AGBL1: variants seen among roughly 807,000 people sequenced by gnomAD.
AGBL1 encodes cytosolic carboxypeptidase 4.
AGBL1 carries 130 observed loss-of-function variants against 118.9 expected under a neutral mutation model. The ratio of observed to expected loss-of-function variants is 1.09; its 90% CI spans 0.95 to 1.26. The LOEUF is 1.26. Ranked by LOEUF, AGBL1 falls within the 50% of genes most tolerant of loss-of-function variation. AGBL1 has a pLI of 0.00. For synonymous variants in AGBL1, 555 were observed against 478.9 expected (o/e 1.16, Z -2.08); for missense variants, 1,584 against 1,298.1 (o/e 1.22, Z -3.38).
At chr15:86,250,573 A>AAAAAAAAG (rs2078798441) in intron 7 of AGBL1, among the ~76,000 whole-genome samples, 1 of 128,318 alleles carries the variant, frequency 7.8e-6, no homozygotes, top group Admixed American at 9.6e-5. Context: ...AAAAAAAAAA[A>AAAAAAAAG]GGTGTGCTCT....
intron 22 of AGBL1, among the ~76,000 whole-genome samples, chr15:86,825,768 G>A (rs1005424532): frequency 6.6e-6 from 1 of 151,344 alleles, no homozygotes; most frequent in Admixed American, 6.6e-5. Flanking sequence ...ACCAATAATG[G>A]GATACCTATC....
intron 22 of AGBL1, among the ~76,000 whole-genome samples, chr15:86,877,670 G>A (rs1283730461): frequency 1.3e-5 from 2 of 152,130 alleles, no homozygotes; most frequent in East Asian, 3.9e-4. Flanking sequence ...GGGAGACAAT[G>A]AGATTTATCT....
At chr15:86,253,946 TA>T (rs1340079483) in intron 7 of AGBL1, among the ~76,000 whole-genome samples, 1 of 152,126 alleles carries the variant, frequency 6.6e-6, no homozygotes, top group Non-Finnish European at 1.5e-5. Context: ...GAAAAGAGAT[TA>T]TCAGAGGGCA....
At chr15:86,846,232 T>A (rs1448525834) in intron 22 of AGBL1, among the ~76,000 whole-genome samples, 1 of 152,236 alleles carries the variant, frequency 6.6e-6, no homozygotes, top group Non-Finnish European at 1.5e-5. Flanking sequence ...TTTGATTGTC[T>A]GGCAATGTCT....
chr15:87,023,649 C>G (rs948648499), intron 24 of AGBL1, among the ~76,000 whole-genome samples: 1 of 152,018 alleles, frequency 6.6e-6, no homozygotes, highest in South Asian at 2.1e-4. Context: ...CAGATATATA[C>G]AGAACATTCC....
chr15:86,909,039 T>A lies in AGBL1; in HGVS notation c.*1745T>A, dbSNP rs1280341612. The A allele has an allele frequency of 6.6e-6, 1 of 152,228 alleles. No individual in the cohort carries two copies. Among genetic ancestry groups the A allele is most frequent in the African/African-American group, 2.4e-5 (1 of 41,456 alleles). 9.4% of individuals were successfully genotyped at this position (152,228 alleles called of 1,614,324 possible). On this transcript the variant is annotated 3_prime_UTR_variant, in exon 23 of 23. Transcript: ENST00000614907. ...TTGGTCTAGAATGGCTGCTGAAGCA[T>A]CAGTCACTGCATCTGCATCCCAGGC... is the stretch of plus-strand genomic sequence containing the variant.
intron 21 of AGBL1, among the ~76,000 whole-genome samples, chr15:86,659,105 C>A (rs1427452632): frequency 6.6e-6 from 1 of 152,114 alleles, no homozygotes; most frequent in African/African-American, 2.4e-5. Context: ...CCCTCCACAT[C>A]CCTTTCCTAA....
chr15:86,365,126 G>A (rs1465419650), intron 17 of AGBL1, among the ~76,000 whole-genome samples: 2 of 151,260 alleles, frequency 1.3e-5, no homozygotes, highest in African/African-American at 4.9e-5. Flanking sequence ...GCCCTGCTGA[G>A]GAAAAGAAAA....
At chr15:86,616,363 A>AAAAAAAAAAAAAAAAAAAAAAT (rs2084725343) in intron 21 of AGBL1, among the ~76,000 whole-genome samples, 1 of 146,738 alleles carries the variant, frequency 6.8e-6, no homozygotes, top group African/African-American at 2.6e-5. Context: ...AAAAAAAAAA[A>AAAAAAAAAAAAAAAAAAAAAAT]AAAAAAAAAT....
chr15:86,510,530 C>CT (rs36006097), intron 18 of AGBL1, among the ~76,000 whole-genome samples: 158 of 152,058 alleles, frequency 1.0e-3, no homozygotes, highest in African/African-American at 3.6e-3. Flanking sequence ...TCTTTATCAA[C>CT]TTTTTTGCAG....
At chr15:86,436,262 C>A (rs2081999622) in intron 18 of AGBL1, among the ~76,000 whole-genome samples, 1 of 151,576 alleles carries the variant, frequency 6.6e-6, no homozygotes, top group Non-Finnish European at 1.5e-5. Flanking sequence ...CATCTCCTAC[C>A]CAGAACTGTG....
At chr15:86,126,590 T>G (rs147626256) in intron 1 of AGBL1, among the ~76,000 whole-genome samples, 215 of 152,374 alleles carry the variant, frequency 1.4e-3, no homozygotes, top group African/African-American at 5.1e-3. Flanking sequence ...TTTATGACAT[T>G]ATCCATATAC....
At chr15:86,451,960 T>C (rs1293586717) in intron 18 of AGBL1, among the ~76,000 whole-genome samples, 5 of 152,140 alleles carry the variant, frequency 3.3e-5, no homozygotes, top group African/African-American at 1.2e-4. Flanking sequence ...TTTACCAACA[T>C]TGATGATTTT....
At chr15:86,860,678 C>G (rs1303822147) in intron 22 of AGBL1, among the ~76,000 whole-genome samples, 1 of 151,884 alleles carries the variant, frequency 6.6e-6, no homozygotes, top group Admixed American at 6.6e-5. Context: ...TTGGTAGTTC[C>G]TGCCATCAGT....
chr15:86,538,023 A>T (rs1341319122), intron 19 of AGBL1, among the ~76,000 whole-genome samples: 2 of 152,230 alleles, frequency 1.3e-5, no homozygotes, highest in African/African-American at 2.4e-5. Context: ...TGGAAAGAAC[A>T]TTATAATACA....
At chr15:86,966,684 C>T (rs941459595) in intron 23 of AGBL1, among the ~76,000 whole-genome samples, 14 of 152,092 alleles carry the variant, frequency 9.2e-5, no homozygotes, top group African/African-American at 3.4e-4. Flanking sequence ...CATAGTATTG[C>T]ATGGTGTATA....
At chr15:86,336,423 A>C (rs1193563279) in intron 17 of AGBL1, among the ~76,000 whole-genome samples, 1 of 152,274 alleles carries the variant, frequency 6.6e-6, no homozygotes, top group Non-Finnish European at 1.5e-5. Flanking sequence ...AGCATAAAGC[A>C]TGAGAGAATC....
rs544332446 is a variant in AGBL1 at position 86,814,324 on chromosome 15, C to A, written c.3159-92763C>A. Among the ~76,000 whole-genome samples, 27 of 152,290 alleles carry A rather than the reference C, an allele frequency of 1.8e-4. 1 individual carries two copies. Among genetic ancestry groups the A allele is most frequent in the Middle Eastern group, 3.4e-3 (1 of 294 alleles). ...AACAATTTCATCCCAAAGCCATTCC[C>A]TCCACTCTACCATCTGTGGAAACAT... On this transcript the variant is annotated intron_variant, in intron 22 of 22. Coordinates refer to ENST00000614907, the MANE Select transcript of AGBL1 (RefSeq NM_001386094.1).
chr15:86,642,967 G>C (rs1337053388), intron 21 of AGBL1, among the ~76,000 whole-genome samples: 8 of 152,152 alleles, frequency 5.3e-5, no homozygotes, highest in African/African-American at 1.2e-4. Context: ...GGTAGAGCGA[G>C]TTTGGGGTTT....
Sources: allele counts gnomAD v4.1 joint callset (sites outside exome capture counted in the v4.1 genomes callset), GRCh38; gene constraint gnomAD v4.1.1; transcripts MANE v1.5; gene names NCBI Gene and HGNC (gene_info 2026-07-23, HGNC 2026-07-21).